PDE8A: variants seen among roughly 807,000 people sequenced by gnomAD.
The protein encoded by PDE8A is high affinity cAMP-specific and IBMX-insensitive 3',5'-cyclic phosphodiesterase 8A.
A neutral mutation model predicts 105.0 loss-of-function variants in PDE8A; 59 were observed. The observed-to-expected ratio is 0.56, with a 90% confidence interval of 0.46 to 0.70. The LOEUF is 0.70. Ranked by LOEUF, PDE8A falls within the 30% of genes least tolerant of loss-of-function variation. PDE8A has a pLI of 0.00. For missense variants in PDE8A, 1,014 were observed against 1,045.9 expected, an observed-to-expected ratio of 0.97 and a Z score of 0.42; for synonymous variants, 355 against 371.9, an observed-to-expected ratio of 0.95 and a Z score of 0.52.
intron 3 of PDE8A, among the ~76,000 whole-genome samples, chr15:85,067,883 T>C (rs2081254612): frequency 6.6e-6 from 1 of 152,142 alleles, no homozygotes; most frequent in South Asian, 2.1e-4. Context: ...TTGAGAACTC[T>C]ACACTCCTGG....
chr15:85,115,396 T>G, intron 14 of PDE8A, 43 bp from the exon 15 acceptor site: 4 of 1,317,132 alleles, frequency 3.0e-6, no homozygotes, highest in Non-Finnish European at 4.3e-6. Flanking sequence ...AAGGAAAGAA[T>G]AGTTGTGACT....
intron 3 of PDE8A, among the ~76,000 whole-genome samples, chr15:85,071,185 T>C (rs1437104201): frequency 6.6e-6 from 1 of 151,686 alleles, no homozygotes; most frequent in Non-Finnish European, 1.5e-5. Flanking sequence ...CTTCAGTCTT[T>C]GAAGCTGAAA....
intron 1 of PDE8A, among the ~76,000 whole-genome samples, chr15:85,049,236 G>A (rs1205103701): frequency 6.6e-6 from 1 of 152,176 alleles, no homozygotes; most frequent in Admixed American, 6.5e-5. Flanking sequence ...GTGTACGGTT[G>A]AATGGTATTA....
chr15:85,056,249 CTTCAT>C (rs927263021), intron 1 of PDE8A, among the ~76,000 whole-genome samples: 4 of 152,116 alleles, frequency 2.6e-5, no homozygotes, highest in African/African-American at 9.7e-5. Flanking sequence ...ACATTTTTTC[CTTCAT>C]TTCAACTTTG....
intron 1 of PDE8A, among the ~76,000 whole-genome samples, chr15:85,008,720 C>T (rs1032499401): frequency 6.6e-6 from 1 of 152,160 alleles, no homozygotes; most frequent in Non-Finnish European, 1.5e-5. Flanking sequence ...TGAACTTCCT[C>T]CCTCCTCTAG....
chr15:85,124,825 G>A (rs2082234863), intron 19 of PDE8A, among the ~76,000 whole-genome samples: 1 of 152,148 alleles, frequency 6.6e-6, no homozygotes, highest in Non-Finnish European at 1.5e-5. Context: ...GCCACAGAAG[G>A]AAACCATACA....
chr15:85,040,387 AAAAG>A (rs1446865116), intron 1 of PDE8A, among the ~76,000 whole-genome samples: 16 of 149,502 alleles, frequency 1.1e-4, no homozygotes, highest in South Asian at 2.1e-4. Context: ...AAAAAAAAAA[AAAAG>A]AAAAGAAAAG....
At chr15:85,046,604 CTG>C (rs1055628287) in intron 1 of PDE8A, among the ~76,000 whole-genome samples, 4 of 152,032 alleles carry the variant, frequency 2.6e-5, no homozygotes, top group African/African-American at 7.2e-5. Context: ...TTATAGAACT[CTG>C]TATTCCAGTG....
At chr15:85,128,723 T>C (rs1484533364) in intron 20 of PDE8A, among the ~76,000 whole-genome samples, 1 of 152,186 alleles carries the variant, frequency 6.6e-6, no homozygotes, top group Non-Finnish European at 1.5e-5. Context: ...AGGCAAGTAT[T>C]TGTCCAGACA....
chr15:85,041,514 G>A (rs1024785511), intron 1 of PDE8A, among the ~76,000 whole-genome samples: 2 of 152,280 alleles, frequency 1.3e-5, no homozygotes, highest in African/African-American at 2.4e-5. Flanking sequence ...AAATGTTTAT[G>A]CACTTATGAC....
rs1039591941 is a variant in PDE8A at position 85,137,980 on chromosome 15, G to C, written c.*77G>C. ...TTCCTGAGGGCAGCCAGAGCTCCTT[G>C]GTCCTTTCAGTACTAGGCAGAACAG... On this transcript the variant is annotated 3_prime_UTR_variant, in exon 22 of 22. Transcript: ENST00000394553. 3.3e-5 allele frequency: 29 copies of C among 883,096 alleles called. No homozygotes were observed. The highest frequency in any genetic ancestry group is 5.4e-5 in the Non-Finnish European group (29 of 534,156). The allele number at this position is 883,096 out of a possible 1,614,324, so 54.7% of individuals were successfully genotyped here.
intron 1 of PDE8A, among the ~76,000 whole-genome samples, chr15:84,988,420 T>C (rs529894129): frequency 2.6e-5 from 4 of 152,244 alleles, no homozygotes; most frequent in Admixed American, 1.3e-4. Flanking sequence ...GTTCCTGTGT[T>C]TGAGGAAGTT....
intron 1 of PDE8A, among the ~76,000 whole-genome samples, chr15:85,055,763 A>G (rs545052673): frequency 2.0e-5 from 3 of 152,230 alleles, no homozygotes; most frequent in African/African-American, 4.8e-5. Context: ...ACTCTATCCA[A>G]TTTGCCAGTC....
intron 19 of PDE8A, among the ~76,000 whole-genome samples, chr15:85,124,556 A>T (rs1267338449): frequency 6.6e-6 from 1 of 152,000 alleles, no homozygotes; most frequent in Non-Finnish European, 1.5e-5. Flanking sequence ...TCTGCAATTC[A>T]TTTGTTTGGC....
chr15:85,010,568 C>T (rs971744158), intron 1 of PDE8A, among the ~76,000 whole-genome samples: 2 of 152,132 alleles, frequency 1.3e-5, no homozygotes, highest in Non-Finnish European at 2.9e-5. Flanking sequence ...GATTGCCTCT[C>T]CTGATGTTTA....
intron 1 of PDE8A, among the ~76,000 whole-genome samples, chr15:85,019,710 G>A (rs1340877929): frequency 6.6e-6 from 1 of 152,002 alleles, no homozygotes; most frequent in Non-Finnish European, 1.5e-5. Flanking sequence ...CTCCCAAGTA[G>A]CTGGGACTAC....
At chr15:85,053,383 T>C (rs2141423475) in intron 1 of PDE8A, among the ~76,000 whole-genome samples, 1 of 152,390 alleles carries the variant, frequency 6.6e-6, no homozygotes, top group Middle Eastern at 3.4e-3. Context: ...TTGATGGAGA[T>C]GGCATTTAAT....
intron 11 of PDE8A, among the ~76,000 whole-genome samples, chr15:85,106,862 T>C (rs965864380): frequency 6.6e-6 from 1 of 152,170 alleles, no homozygotes; most frequent in Non-Finnish European, 1.5e-5. Context: ...TCAGAGTGGC[T>C]GATTTAACAG....
intron 1 of PDE8A, among the ~76,000 whole-genome samples, chr15:85,046,117 G>A (rs983957001): frequency 4.7e-5 from 7 of 147,618 alleles, no homozygotes; most frequent in Admixed American, 4.1e-4. Flanking sequence ...ACCCAGGCTG[G>A]AGTACAGTGG....
Sources: gnomAD v4.1 joint callset for allele counts (sites outside exome capture counted in the v4.1 genomes callset) on GRCh38, gnomAD v4.1.1 for gene constraint, MANE v1.5 for transcripts, NCBI Gene and HGNC (gene_info 2026-07-23, HGNC 2026-07-21) for gene names.